SHISA9: variants seen among roughly 807,000 people sequenced by gnomAD.
SHISA9 encodes the protein shisa family member 9, also known as protein shisa-9.
Under a neutral mutation model 38.0 loss-of-function variants are expected in SHISA9, and 13 were observed. The observed-to-expected ratio is 0.34, with a 90% CI of 0.22 to 0.54. The LOEUF (loss-of-function observed/expected upper bound fraction) is 0.54, where lower values mean the gene tolerates loss of function less well. SHISA9 is among the 20% of genes least tolerant of loss of function. The pLI is 0.91. For synonymous variants in SHISA9, 275 were observed against 242.0 expected, an observed-to-expected ratio of 1.14 and a Z score of -1.27; for missense variants, 538 against 575.8, an observed-to-expected ratio of 0.93 and a Z score of 0.67.
chr16:13,495,306 T>G, the SHISA9 span, among the ~76,000 whole-genome samples: 2 of 152,154 alleles, frequency 1.3e-5, no homozygotes, highest in Non-Finnish European at 2.9e-5. Flanking sequence ...GTTTTGATAT[T>G]CTGCTAAAGT....
chr16:13,547,908 A>G, the SHISA9 span, among the ~76,000 whole-genome samples: 14 of 152,216 alleles, frequency 9.2e-5, no homozygotes, highest in Non-Finnish European at 2.1e-4. Context: ...GAATAGAGAA[A>G]ACAATTTTGA....
At chr16:12,909,108 A>G in intron 1 of SHISA9, 8 of 988,338 alleles carry the variant, frequency 8.1e-6, no homozygotes, top group Non-Finnish European at 8.4e-6. Flanking sequence ...GGAGAAGTCC[A>G]TGTGTGCATG....
the SHISA9 span, among the ~76,000 whole-genome samples, chr16:13,357,918 G>C: frequency 6.6e-6 from 1 of 152,106 alleles, no homozygotes; most frequent in South Asian, 2.1e-4. Flanking sequence ...CACTTCTTTT[G>C]TGGTGGAATG....
downstream of SHISA9, among the ~76,000 whole-genome samples, chr16:13,244,122 A>G (rs905142806): frequency 1.2e-4 from 18 of 152,186 alleles, no homozygotes; most frequent in African/African-American, 4.3e-4. Context: ...TTCTTAGGCC[A>G]TGGATCCTTT....
chr16:13,455,892 G>C, the SHISA9 span, among the ~76,000 whole-genome samples: 1 of 152,106 alleles, frequency 6.6e-6, no homozygotes, highest in African/African-American at 2.4e-5. Context: ...CTAAGATTTA[G>C]CTGGAGAAAC....
At chr16:13,119,889 C>T (rs559500765) in intron 2 of SHISA9, among the ~76,000 whole-genome samples, 26 of 152,314 alleles carry the variant, frequency 1.7e-4, no homozygotes, top group African/African-American at 6.0e-4. Flanking sequence ...AAGCTGTCAT[C>T]TAAGTCCACC....
the SHISA9 span, among the ~76,000 whole-genome samples, chr16:13,384,236 G>A: frequency 6.6e-6 from 1 of 152,158 alleles, no homozygotes; most frequent in Non-Finnish European, 1.5e-5. Flanking sequence ...GGCCACCCAG[G>A]ACAATGAATG....
intron 2 of SHISA9, among the ~76,000 whole-genome samples, chr16:12,971,880 C>T (rs988385998): frequency 1.3e-5 from 2 of 152,128 alleles, no homozygotes; most frequent in African/African-American, 4.8e-5. Flanking sequence ...TTTTAGCTTT[C>T]TCTTTAGAGA....
chr16:13,239,852 G>T lies in SHISA9; in HGVS notation c.*4443G>T, dbSNP rs1388350824. 1.3e-5 allele frequency: 2 copies of T among 152,138 alleles called. No individual in the cohort carries two copies. The highest frequency in any genetic ancestry group is 1.9e-4 in the East Asian group (1 of 5,190). 9.4% of individuals were successfully genotyped at this position (152,138 alleles called of 1,614,324 possible). A position where few individuals can be genotyped will look rare whatever the true frequency, so the allele number is the denominator to read the frequency against. On this transcript the variant is annotated 3_prime_UTR_variant, in exon 5 of 5. Coordinates refer to ENST00000558583, the MANE Select transcript of SHISA9 (RefSeq NM_001145204.3). ...TCTTTAGTTTAATTAGATCCCATTT[G>T]TCAATTTTGGCTTCCTCTTGGGAGG...
At chr16:13,017,900 T>A (rs1187066710) in intron 2 of SHISA9, among the ~76,000 whole-genome samples, 1 of 152,226 alleles carries the variant, frequency 6.6e-6, no homozygotes, top group Non-Finnish European at 1.5e-5. Context: ...TCAATCCCCT[T>A]GTTCAATGAA....
chr16:13,279,685 A>G, the SHISA9 span, among the ~76,000 whole-genome samples: 1 of 151,966 alleles, frequency 6.6e-6, no homozygotes, highest in Non-Finnish European at 1.5e-5. Context: ...AGTATCATTC[A>G]AGTGACCTAC....
chr16:13,097,884 C>G lies in SHISA9; in HGVS notation c.692-105510C>G, dbSNP rs16961124. Among the ~76,000 whole-genome samples, 1,093 of 152,288 alleles carry G rather than the reference C, an allele frequency of 7.2e-3. 41 individuals carry two copies. The highest frequency in any genetic ancestry group is 0.06 in the Admixed American group (911 of 15,282). On this transcript the variant is annotated intron_variant, in intron 2 of 4. Transcript: ENST00000558583. Reference sequence around the variant, plus strand: ...GTTGTCCTGGCCAATGGTGAAAATCCTGTGATTCTGAGTTAGAGCAAACAA... The same window carrying G: ...GTTGTCCTGGCCAATGGTGAAAATCGTGTGATTCTGAGTTAGAGCAAACAA...
intron 2 of SHISA9, among the ~76,000 whole-genome samples, chr16:13,175,867 A>G (rs1156895826): frequency 1.3e-5 from 2 of 152,146 alleles, no homozygotes; most frequent in African/African-American, 4.8e-5. Context: ...GTCACATGTG[A>G]GGAGACCAAG....
chr16:13,265,733 G>T, the SHISA9 span, among the ~76,000 whole-genome samples: 411 of 151,974 alleles, frequency 2.7e-3, 4 homozygotes, highest in African/African-American at 9.6e-3. Flanking sequence ...AAACCAATGA[G>T]ACACTTTTCC....
the SHISA9 span, among the ~76,000 whole-genome samples, chr16:13,263,553 C>G: frequency 6.6e-6 from 1 of 152,174 alleles, no homozygotes; most frequent in Non-Finnish European, 1.5e-5. Context: ...TGAGACCTCC[C>G]CAGAAGCTGA....
the SHISA9 span, among the ~76,000 whole-genome samples, chr16:13,396,499 C>G: frequency 6.6e-6 from 1 of 152,118 alleles, no homozygotes; most frequent in African/African-American, 2.4e-5. Context: ...TAGCCAACTC[C>G]CCGACCCTCA....
intron 2 of SHISA9, among the ~76,000 whole-genome samples, chr16:12,929,731 A>C (rs953422750): frequency 6.6e-6 from 1 of 152,004 alleles, no homozygotes; most frequent in African/African-American, 2.4e-5. Flanking sequence ...GCAAACCACC[A>C]CTGCACACGT....
intron 2 of SHISA9, among the ~76,000 whole-genome samples, chr16:13,098,847 C>G (rs2073851891): frequency 6.6e-6 from 1 of 152,230 alleles, no homozygotes; most frequent in Non-Finnish European, 1.5e-5. Context: ...CTTCCTAGAT[C>G]TGCGGTCTTG....
At chr16:13,452,409 C>T in the SHISA9 span, among the ~76,000 whole-genome samples, 1 of 152,130 alleles carries the variant, frequency 6.6e-6, no homozygotes, top group South Asian at 2.1e-4. Context: ...TGCCACGGTC[C>T]ATATACCTTA....
Sources: allele counts gnomAD v4.1 joint callset (sites outside exome capture counted in the v4.1 genomes callset), GRCh38; gene constraint gnomAD v4.1.1; transcripts MANE v1.5; gene names NCBI Gene and HGNC (gene_info 2026-07-23, HGNC 2026-07-21).